LDLRAD3: variants seen among roughly 807,000 people sequenced by gnomAD.
LDLRAD3 encodes low-density lipoprotein receptor class A domain-containing protein 3.
Under a neutral mutation model 29.4 loss-of-function variants are expected in LDLRAD3, and 20 were observed. The observed-to-expected ratio is 0.68, with a 90% CI of 0.48 to 0.99. The LOEUF is 0.99. Ranked by LOEUF, LDLRAD3 falls within the 50% of genes least tolerant of loss-of-function variation. The pLI is 0.00. For missense variants in LDLRAD3, 420 were observed against 454.3 expected (o/e 0.92, Z 0.69); for synonymous variants, 157 against 192.7 (o/e 0.81, Z 1.53).
Position 36,210,408 on chromosome 11 carries a change from A to AGACAAGTTTAAAAAGCTT in LDLRAD3, c.455-16676_455-16675insACAAGTTTAAAAAGCTTG, listed in dbSNP as rs1485945285. Among the ~76,000 whole-genome samples, 66 of 152,220 alleles carry AGACAAGTTTAAAAAGCTT rather than the reference A, an allele frequency of 4.3e-4. 2 individuals carry two copies. The highest frequency in any genetic ancestry group is 1.6e-4 in the Non-Finnish European group (11 of 68,040). ...TTTAAAATGCTTGTCTGAGCTCTCC[A>AGACAAGTTTAAAAAGCTT]GTCTGTCTTAGGTGTTTCGAGGGCT... On this transcript the variant is annotated intron_variant, in intron 4 of 5. Coordinates refer to ENST00000315571, the MANE Select transcript of LDLRAD3 (RefSeq NM_174902.4).
At chr11:36,198,266 A>AAAT (rs371589377) in intron 4 of LDLRAD3, among the ~76,000 whole-genome samples, 18,516 of 69,710 alleles carry the variant, frequency 0.27, 1,289 homozygotes, top group Middle Eastern at 0.42. Flanking sequence ...AAATATAGAA[A>AAAT]AATAATACCC....
At chr11:36,143,427 C>A (rs1854116215) in intron 4 of LDLRAD3, among the ~76,000 whole-genome samples, 1 of 152,208 alleles carries the variant, frequency 6.6e-6, no homozygotes, top group African/African-American at 2.4e-5. Context: ...TCAGGGCGGA[C>A]CTTCTTCCAA....
chr11:36,068,794 G>A (rs1274508465), intron 2 of LDLRAD3, among the ~76,000 whole-genome samples: 2 of 152,172 alleles, frequency 1.3e-5, no homozygotes, highest in Non-Finnish European at 2.9e-5. Context: ...GGGATTACAG[G>A]CGTGAGCCAC....
At chr11:35,982,181 C>T (rs1200246832) in intron 1 of LDLRAD3, among the ~76,000 whole-genome samples, 1 of 152,234 alleles carries the variant, frequency 6.6e-6, no homozygotes, top group East Asian at 1.9e-4. Context: ...AAAGTGTCTG[C>T]AGGGTTTGTT....
chr11:35,973,052 CAAAA>C (rs775477148), intron 1 of LDLRAD3, among the ~76,000 whole-genome samples: 1 of 48,858 alleles, frequency 2.0e-5, no homozygotes, highest in African/African-American at 5.7e-5. Flanking sequence ...GACTCCATCT[CAAAA>C]AAAAAAAAAA....
At chr11:36,057,087 T>C (rs1852632441) in intron 2 of LDLRAD3, among the ~76,000 whole-genome samples, 1 of 152,214 alleles carries the variant, frequency 6.6e-6, no homozygotes, top group Non-Finnish European at 1.5e-5. Context: ...TGTATCAGAA[T>C]GACCTGGAGT....
Position 36,194,336 on chromosome 11 carries a change from A to C in LDLRAD3, c.455-32749A>C, listed in dbSNP as rs142888087. 4.7e-4 allele frequency among the ~76,000 whole-genome samples: 72 copies of C among 152,258 alleles called. No homozygotes were observed. The Middle Eastern group carries it at 0.01, about 22-fold the overall frequency. ...TCTTAGTTACCCAGGGAGCTAGGCC[A>C]CTCACATTTCACTGGCCAAAGCCCA... On this transcript the variant is annotated intron_variant, in intron 4 of 5. Transcript: ENST00000315571.
At chr11:36,184,793 C>G (rs1218787248) in intron 4 of LDLRAD3, among the ~76,000 whole-genome samples, 1 of 152,212 alleles carries the variant, frequency 6.6e-6, no homozygotes, top group African/African-American at 2.4e-5. Flanking sequence ...AGGTTTATTT[C>G]TGGCTCATCC....
At chr11:36,109,136 G>GGAAC (rs1460122807) in intron 4 of LDLRAD3, among the ~76,000 whole-genome samples, 1 of 152,196 alleles carries the variant, frequency 6.6e-6, no homozygotes, top group African/African-American at 2.4e-5. Flanking sequence ...AATGCAGAGA[G>GGAAC]GAACGCAGAA....
chr11:36,169,164 T>A (rs956134910), intron 4 of LDLRAD3, among the ~76,000 whole-genome samples: 2 of 152,198 alleles, frequency 1.3e-5, no homozygotes, highest in African/African-American at 4.8e-5. Flanking sequence ...AGCTTTTTTA[T>A]TGATACATAA....
At chr11:36,076,754 TG>T in intron 2 of LDLRAD3, among the ~76,000 whole-genome samples, 1 of 152,230 alleles carries the variant, frequency 6.6e-6, no homozygotes, top group African/African-American at 2.4e-5. Flanking sequence ...TTTACATATT[TG>T]TTCACCCCTA....
In LDLRAD3 at chr11:36,170,025, C is replaced by T. The variant is rs12275025; in HGVS notation, c.455-57060C>T. ...CTTTTATCCCTCACCCTCCTCCCAC[C>T]CTTCCCTCTCTGGATCCCCAGAGTG... On this transcript the variant is annotated intron_variant, in intron 4 of 5. Transcript: ENST00000315571. Among the ~76,000 whole-genome samples the T allele has an allele frequency of 5.2e-3, 796 of 152,120 alleles. 12 individuals are homozygous for T. The highest frequency in any genetic ancestry group is 0.018 in the African/African-American group (766 of 41,488).
At chr11:35,971,760 G>T (rs907119674) in intron 1 of LDLRAD3, among the ~76,000 whole-genome samples, 2 of 152,178 alleles carry the variant, frequency 1.3e-5, no homozygotes, top group African/African-American at 4.8e-5. Context: ...GAGCAATATT[G>T]TGGGTATTCA....
chr11:36,057,821 C>T (rs562054943), intron 2 of LDLRAD3, among the ~76,000 whole-genome samples: 1 of 152,316 alleles, frequency 6.6e-6, no homozygotes, highest in African/African-American at 2.4e-5. Context: ...TCCGAAACCA[C>T]ACATTTGCGT....
At chr11:36,055,465 C>A (rs1031063905) in intron 2 of LDLRAD3, among the ~76,000 whole-genome samples, 2 of 152,162 alleles carry the variant, frequency 1.3e-5, no homozygotes, top group Non-Finnish European at 2.9e-5. Context: ...GAAGGGCTTT[C>A]ATGTTCAGAA....
intron 1 of LDLRAD3, among the ~76,000 whole-genome samples, chr11:35,999,247 C>A (rs12274406): frequency 6.6e-6 from 1 of 151,930 alleles, no homozygotes; most frequent in African/African-American, 2.4e-5. Context: ...AGCCTAGAAC[C>A]GAATGTATGT....
intron 1 of LDLRAD3, among the ~76,000 whole-genome samples, chr11:35,964,293 C>G (rs1364228726): frequency 6.6e-6 from 1 of 152,080 alleles, no homozygotes; most frequent in Non-Finnish European, 1.5e-5. Flanking sequence ...CCTATGAGGT[C>G]AAGACTGTCA....
intron 4 of LDLRAD3, among the ~76,000 whole-genome samples, chr11:36,160,679 G>T (rs1198273781): frequency 6.6e-6 from 1 of 151,894 alleles, no homozygotes; most frequent in Non-Finnish European, 1.5e-5. Context: ...CTTTCATATT[G>T]GTTTTCAGTT....
intron 3 of LDLRAD3, among the ~76,000 whole-genome samples, chr11:36,084,018 A>T (rs1329685456): frequency 6.6e-6 from 1 of 152,096 alleles, no homozygotes; most frequent in Non-Finnish European, 1.5e-5. Flanking sequence ...TCCTGGGCTC[A>T]GCTAATCCTT....
Sources: gnomAD v4.1 joint callset for allele counts (sites outside exome capture counted in the v4.1 genomes callset) on GRCh38, gnomAD v4.1.1 for gene constraint, MANE v1.5 for transcripts, NCBI Gene and HGNC (gene_info 2026-07-23, HGNC 2026-07-21) for gene names.